Variants in SPATS2 observed in about 807,000 individuals in gnomAD.
The protein encoded by SPATS2 is spermatogenesis-associated serine-rich protein 2.
Under a neutral mutation model 63.7 loss-of-function variants are expected in SPATS2, and 38 were observed. The observed-to-expected ratio is 0.60, with a 90% CI of 0.46 to 0.78. The LOEUF is 0.78. Ranked by LOEUF, SPATS2 falls within the 30% of genes least tolerant of loss-of-function variation. SPATS2 has a pLI of 0.00. For synonymous variants in SPATS2, 207 were observed against 232.9 expected, an observed-to-expected ratio of 0.89 and a Z score of 1.01; for missense variants, 588 against 666.2, an observed-to-expected ratio of 0.88 and a Z score of 1.29.
intron 6 of SPATS2, among the ~76,000 whole-genome samples, chr12:49,491,545 A>G (rs1946383066): frequency 6.6e-6 from 1 of 152,016 alleles, no homozygotes; most frequent in African/African-American, 2.4e-5. Context: ...CCTGATCTCA[A>G]AAAAAAGGCT....
chr12:49,384,785 A>G (rs1019482139), intron 2 of SPATS2, among the ~76,000 whole-genome samples: 29 of 151,686 alleles, frequency 1.9e-4, no homozygotes, highest in Admixed American at 1.4e-3. Flanking sequence ...ACGATCATCC[A>G]TACGTTTGCT....
At chr12:49,411,776 A>G (rs1788281789) in intron 2 of SPATS2, among the ~76,000 whole-genome samples, 1 of 152,196 alleles carries the variant, frequency 6.6e-6, no homozygotes, top group Non-Finnish European at 1.5e-5. Flanking sequence ...TTTCTTTCAG[A>G]GGTAAGTTAC....
At chr12:49,494,337 C>T (rs1420204235) in intron 6 of SPATS2, among the ~76,000 whole-genome samples, 2 of 152,116 alleles carry the variant, frequency 1.3e-5, no homozygotes, top group African/African-American at 2.4e-5. Context: ...TCTTATTAGA[C>T]TGAGGTTGCA....
intron 8 of SPATS2, among the ~76,000 whole-genome samples, chr12:49,499,557 G>A (rs1425653666): frequency 2.0e-5 from 3 of 151,856 alleles, no homozygotes; most frequent in Non-Finnish European, 4.4e-5. Context: ...GTGGATCTCC[G>A]TGCAGCTCTC....
chr12:49,379,365 GT>G (rs1944167921), intron 2 of SPATS2, among the ~76,000 whole-genome samples: 1 of 149,440 alleles, frequency 6.7e-6, no homozygotes, highest in South Asian at 2.1e-4. Context: ...GGCTAACATG[GT>G]GAAACCCCGT....
At chr12:49,515,652 A>G (rs931668648) in intron 10 of SPATS2, among the ~76,000 whole-genome samples, 11 of 152,322 alleles carry the variant, frequency 7.2e-5, no homozygotes, top group Non-Finnish European at 1.6e-4. Flanking sequence ...TTTTATCTGT[A>G]TATTCTCTTT....
At chr12:49,509,271 T>G (rs1393360771) in intron 9 of SPATS2, among the ~76,000 whole-genome samples, 1 of 139,790 alleles carries the variant, frequency 7.2e-6, no homozygotes, top group Non-Finnish European at 1.5e-5. Flanking sequence ...ACGTTCTAAC[T>G]TCTTTTTTTT....
chr12:49,485,307 G>C (rs1946272286), intron 4 of SPATS2, among the ~76,000 whole-genome samples: 2 of 151,640 alleles, frequency 1.3e-5, no homozygotes, highest in African/African-American at 2.4e-5. Context: ...GCCCACCTGG[G>C]CCTCCCAAAG....
chr12:49,392,878 C>G (rs768220473), intron 2 of SPATS2, among the ~76,000 whole-genome samples: 1 of 151,888 alleles, frequency 6.6e-6, no homozygotes, highest in Admixed American at 6.6e-5. Context: ...ATGGTGAAAC[C>G]CTGTCTCTAC....
chr12:49,452,928 C>T (rs868308488), intron 2 of SPATS2, among the ~76,000 whole-genome samples: 17 of 151,850 alleles, frequency 1.1e-4, no homozygotes, highest in Middle Eastern at 3.4e-3. Flanking sequence ...GAGGCCGAGG[C>T]GGGCGGATCA....
chr12:49,448,084 A>T (rs1945547152), intron 2 of SPATS2, among the ~76,000 whole-genome samples: 1 of 150,674 alleles, frequency 6.6e-6, no homozygotes, highest in Admixed American at 6.6e-5. Flanking sequence ...AGATGTTTTA[A>T]GTACCAATTT....
At chr12:49,498,139 A>G (rs918932219) in intron 8 of SPATS2, among the ~76,000 whole-genome samples, 1 of 84,282 alleles carries the variant, frequency 1.2e-5, no homozygotes, top group African/African-American at 7.4e-5. Flanking sequence ...AGCCAAAAAA[A>G]AAAAAAATAT....
At chr12:49,437,645 A>G (rs1945338245) in intron 2 of SPATS2, among the ~76,000 whole-genome samples, 1 of 152,232 alleles carries the variant, frequency 6.6e-6, no homozygotes, top group South Asian at 2.1e-4. Flanking sequence ...CGGCCAACAC[A>G]GCGAAACCCC....
chr12:49,395,868 G>T (rs1483202431), intron 2 of SPATS2, among the ~76,000 whole-genome samples: 1 of 152,208 alleles, frequency 6.6e-6, no homozygotes, highest in East Asian at 1.9e-4. Flanking sequence ...TAATTAGCTT[G>T]TGTAACTGAA....
At position 49,430,099 on chromosome 12, in the gene SPATS2, GT is replaced by G. The variant is rs536889902; in HGVS notation, c.-243-30652del. 2.5e-3 allele frequency among the ~76,000 whole-genome samples: 248 copies of G among 98,432 alleles called. 1 individual carries two copies. The East Asian group carries it at 0.026, about 10-fold the overall frequency. 64.6% of individuals were successfully genotyped at this position (98,432 alleles called of 152,430 possible). ...CCCGGCCATCTTTTTCATATTTCTT[GT>G]TTTTTTTTTTTTTTTTTTGAGACAA... On this transcript the variant is annotated intron_variant, in intron 2 of 13. Coordinates refer to ENST00000552918, the MANE Select transcript of SPATS2 (RefSeq NM_023071.4).
chr12:49,512,997 A>C (rs769786746), intron 9 of SPATS2: 3 of 1,085,934 alleles, frequency 2.8e-6, no homozygotes, highest in Non-Finnish European at 3.7e-6. Flanking sequence ...TATGTCAACC[A>C]AATTTGTTTA....
intron 2 of SPATS2, among the ~76,000 whole-genome samples, chr12:49,423,250 A>G (rs1354850146): frequency 1.3e-5 from 2 of 151,366 alleles, no homozygotes; most frequent in African/African-American, 4.9e-5. Context: ...CTCCTGCCTC[A>G]GCCTCCCGAG....
rs368562024 is a variant in SPATS2 at position 49,497,616 on chromosome 12, G to A, written c.703+607G>A. 4.8e-4 allele frequency among the ~76,000 whole-genome samples: 73 copies of A among 152,026 alleles called. No homozygotes were observed. The South Asian group carries it at 0.012, about 26-fold the overall frequency. On this transcript the variant is annotated intron_variant, in intron 8 of 13. Transcript: ENST00000552918. ...TCGCCGTGTTAGCCAGGATGGTCTC[G>A]ATCTCCTGACCTCGTGATCCGCCTG...
chr12:49,492,410 CAG>C (rs1221195917), intron 6 of SPATS2, among the ~76,000 whole-genome samples: 5 of 147,408 alleles, frequency 3.4e-5, no homozygotes, highest in Admixed American at 6.6e-5. Flanking sequence ...TTAGTAGAGA[CAG>C]GGTTTCACCA....
Sources: gnomAD v4.1 joint callset for allele counts (sites outside exome capture counted in the v4.1 genomes callset) on GRCh38, gnomAD v4.1.1 for gene constraint, MANE v1.5 for transcripts, NCBI Gene and HGNC (gene_info 2026-07-23, HGNC 2026-07-21) for gene names.